The following TBXAS1 variants were observed in gnomAD, a reference collection of about 807,000 sequenced individuals.
TBXAS1 encodes the protein thromboxane A synthase 1.
In TBXAS1, 48 loss-of-function variants were observed where a neutral mutation model predicts 60.7. The observed-to-expected ratio is 0.79, with a 90% CI of 0.63 to 1.01. The LOEUF is 1.01. Among genes scored for constraint, TBXAS1 ranks in the 50% least tolerant of loss-of-function variants. TBXAS1 has a pLI of 0.00. For synonymous variants in TBXAS1, 287 were observed against 269.7 expected, an observed-to-expected ratio of 1.06 and a Z score of -0.63; for missense variants, 685 against 686.3, an observed-to-expected ratio of 1.00 and a Z score of 0.02.
intron 1 of TBXAS1, among the ~76,000 whole-genome samples, chr7:139,843,361 G>T (rs1290452281): frequency 4.9e-5 from 7 of 143,076 alleles, no homozygotes; most frequent in South Asian, 2.2e-4. Context: ...TATTTATTTA[G>T]AGATGGAGTC....
At chr7:139,810,592 T>C (rs17161139) in intron 4 of TBXAS1, among the ~76,000 whole-genome samples, 14,348 of 152,300 alleles carry the variant, frequency 0.094, 2,281 homozygotes, top group African/African-American at 0.33. Flanking sequence ...TTTAGAGGGA[T>C]GCATATTTTT....
chr7:139,921,060 G>A (rs1384144875), intron 4 of TBXAS1, among the ~76,000 whole-genome samples: 4 of 152,066 alleles, frequency 2.6e-5, no homozygotes, highest in African/African-American at 9.7e-5. Flanking sequence ...CAAGTCTGTC[G>A]AAATTAAATG....
Position 139,890,113 on chromosome 7 carries a change from A to C in TBXAS1, c.236+14476A>C, listed in dbSNP as rs928317176. 5.9e-5 allele frequency among the ~76,000 whole-genome samples: 9 copies of C among 152,226 alleles called. No individual in the cohort carries two copies. In the East Asian group the frequency reaches 1.2e-3, roughly 20 times the overall value. On this transcript the variant is annotated intron_variant, in intron 3 of 12. Coordinates refer to ENST00000448866, the MANE Select transcript of TBXAS1 (RefSeq NM_001061.7). ...ATAATTGTTACATGGGGAATAGCAA[A>C]AGGAACACAGGTCTCTTCAGTGTAG...
intron 3 of TBXAS1, among the ~76,000 whole-genome samples, chr7:139,884,843 C>CT (rs1802959564): frequency 6.6e-6 from 1 of 152,170 alleles, no homozygotes; most frequent in Non-Finnish European, 1.5e-5. Flanking sequence ...GGTGAGGGCT[C>CT]TGAGGATGAA....
intron 5 of TBXAS1, among the ~76,000 whole-genome samples, chr7:139,938,919 C>T (rs1349196461): frequency 6.6e-6 from 1 of 152,224 alleles, no homozygotes; most frequent in African/African-American, 2.4e-5. Context: ...TAACCCCTTA[C>T]AGGGGATACT....
rs1809972045 is a variant in TBXAS1, at chr7:139,957,635, A to G, written c.690A>G (p.Leu230=). ...CIPRPILVLL[L]SFPSIMVPLA... ...CCACTTTTGTTTTTCTCTTTCAAGT[A>G]TCATTTCCATCCATAATGGTCCCAC... The change falls in exon 8 of 13, where the codon TTA becomes TTG. Residue 230 remains leucine, a splice_region_variant and synonymous_variant. Coordinates refer to ENST00000448866, the MANE Select transcript of TBXAS1 (RefSeq NM_001061.7). 1.9e-6 allele frequency: 3 copies of G among 1,613,952 alleles called. 1 individual carries two copies. The South Asian group carries it at 3.3e-5, about 18-fold the overall frequency.
chr7:139,784,465 T>G (rs1175458134), intron 3 of TBXAS1, among the ~76,000 whole-genome samples: 1 of 152,140 alleles, frequency 6.6e-6, no homozygotes, highest in African/African-American at 2.4e-5. Context: ...GTAAAAAGGA[T>G]GCACATGGTC....
At position 139,875,594 on chromosome 7, in the gene TBXAS1, G is replaced by A. The variant is rs775012519; in HGVS notation, c.193G>A (p.Glu65Lys). The A allele has an allele frequency of 6.8e-6, 11 of 1,614,018 alleles. No individual in the cohort carries two copies. The highest frequency in any genetic ancestry group is 8.5e-6 in the Non-Finnish European group (10 of 1,180,034). ...GCTGTGTTTCCTTCAGGGTTTTTGG[G>A]AAAGCCAAATGGAGCTCAGAAAGCT... The part of the protein sequence containing the change: ...NLTFFRQGFW[E>K]SQMELRKLYG... The change falls in exon 3 of 13, where the codon GAA (glutamate) becomes AAA (lysine). Residue 65 changes from glutamate to lysine, a missense_variant. Coordinates refer to ENST00000448866, the MANE Select transcript of TBXAS1 (RefSeq NM_001061.7).
chr7:139,809,326 A>AGATC (rs1797968599), intron 4 of TBXAS1, among the ~76,000 whole-genome samples: 1 of 121,678 alleles, frequency 8.2e-6, no homozygotes, highest in South Asian at 2.4e-4. Context: ...GAGATTAGAT[A>AGATC]GATAGATAGA....
chr7:139,875,932 G>A (rs972915611), intron 3 of TBXAS1: 6 of 460,530 alleles, frequency 1.3e-5, no homozygotes, highest in Non-Finnish European at 2.4e-5. Flanking sequence ...GTGCTGAGGG[G>A]TGTTGCCACG....
intron 4 of TBXAS1, among the ~76,000 whole-genome samples, chr7:139,926,712 A>G (rs1261734282): frequency 6.6e-6 from 1 of 150,772 alleles, no homozygotes; most frequent in East Asian, 1.9e-4. Context: ...AAGATGTATC[A>G]TTAGGTTGTT....
chr7:139,874,635 T>G (rs1802081742), intron 2 of TBXAS1, among the ~76,000 whole-genome samples: 1 of 152,062 alleles, frequency 6.6e-6, no homozygotes, highest in African/African-American at 2.4e-5. Flanking sequence ...ATTCCACCCC[T>G]TATGTATCCA....
At chr7:139,958,306 C>T (rs1569519579) in intron 8 of TBXAS1, among the ~76,000 whole-genome samples, 1 of 152,156 alleles carries the variant, frequency 6.6e-6, no homozygotes. Context: ...TCATATGAGA[C>T]GTAGCATTTT....
intron 4 of TBXAS1, among the ~76,000 whole-genome samples, chr7:139,794,912 CATT>C (rs1482129886): frequency 4.8e-5 from 7 of 146,532 alleles, no homozygotes; most frequent in Admixed American, 2.7e-4. Context: ...TCCAGTCTAT[CATT>C]GTTGGACATT....
intron 9 of TBXAS1, among the ~76,000 whole-genome samples, chr7:139,989,292 T>C (rs750331715): frequency 2.6e-5 from 4 of 152,012 alleles, no homozygotes; most frequent in Non-Finnish European, 4.4e-5. Context: ...GCAAGCTAGG[T>C]TGGGGAGCTG....
At chr7:139,979,763 T>TAAC (rs1491322638) in intron 9 of TBXAS1, among the ~76,000 whole-genome samples, 1 of 128,912 alleles carries the variant, frequency 7.8e-6, no homozygotes, top group South Asian at 2.5e-4. Flanking sequence ...ATAATAATAA[T>TAAC]AATAAATAAA....
In TBXAS1 at chr7:140,020,154, A is replaced by T; in HGVS notation, c.*55A>T. The T allele has an allele frequency of 6.4e-7, 1 of 1,570,834 alleles. No individual in the cohort carries two copies. The highest frequency in any genetic ancestry group is 8.8e-7 in the Non-Finnish European group (1 of 1,141,206). ...ACCCCCAAATTCAAAGAAAACCCTA[A>T]GTGTGGATGTTCAGAATTTTGGAAA... On this transcript the variant is annotated 3_prime_UTR_variant, in exon 13 of 13. Coordinates refer to ENST00000448866, the MANE Select transcript of TBXAS1 (RefSeq NM_001061.7).
Position 139,896,104 on chromosome 7 carries a change from T to A in TBXAS1, c.237-15121T>A, listed in dbSNP as rs1334655961. ...GTCCTGGAAAGGCAGCTTAAAACCATCCTTCCACTTGCTCTTAAGGGTGAG... is the reference window on the plus strand; with the variant it reads ...GTCCTGGAAAGGCAGCTTAAAACCAACCTTCCACTTGCTCTTAAGGGTGAG... On this transcript the variant is annotated intron_variant, in intron 3 of 12. Transcript: ENST00000448866. The surrounding 1 kb of genome is among the most constrained non-coding windows in gnomAD (Gnocchi z 4.0). 1.3e-5 allele frequency among the ~76,000 whole-genome samples: 2 copies of A among 152,178 alleles called. No homozygotes were observed. Among genetic ancestry groups the A allele is most frequent in the East Asian group, 3.9e-4 (2 of 5,182 alleles).
chr7:139,944,688 C>T (rs1036268234), intron 5 of TBXAS1, among the ~76,000 whole-genome samples: 3 of 152,120 alleles, frequency 2.0e-5, no homozygotes, highest in South Asian at 2.1e-4. Flanking sequence ...ATCAAGGCAG[C>T]GGTGTCCACT....
Sources: gnomAD v4.1 joint callset for allele counts (sites outside exome capture counted in the v4.1 genomes callset) on GRCh38, gnomAD v4.1.1 for gene constraint, Gnocchi (gnomAD v3.1) non-coding constraint, MANE v1.5 for transcripts, NCBI Gene and HGNC (gene_info 2026-07-23, HGNC 2026-07-21) for gene names.